The following ANKRD44 variants were observed in gnomAD, a reference collection of about 807,000 sequenced individuals.
ANKRD44 encodes the protein serine/threonine-protein phosphatase 6 regulatory ankyrin repeat subunit B.
A neutral mutation model predicts 116.0 loss-of-function variants in ANKRD44; 35 were observed. The observed-to-expected ratio is 0.30, with a 90% CI of 0.23 to 0.40. The LOEUF (loss-of-function observed/expected upper bound fraction) is 0.40. Among genes scored for constraint, ANKRD44 ranks in the 10% least tolerant of loss-of-function variants. ANKRD44 has a pLI of 1.00. For synonymous variants in ANKRD44, 435 were observed against 461.8 expected (o/e 0.94, Z 0.74); for missense variants, 1,014 against 1,242.6 (o/e 0.82, Z 2.77).
intron 17 of ANKRD44, among the ~76,000 whole-genome samples, chr2:197,021,890 A>G (rs1203720800): frequency 1.3e-5 from 2 of 152,242 alleles, no homozygotes; most frequent in Non-Finnish European, 2.9e-5. Context: ...TGGGATCTCA[A>G]CAGAATCCAT....
intron 18 of ANKRD44, 32 bp from the exon 19 acceptor site, chr2:197,009,063 C>T (rs377313008): frequency 9.6e-5 from 147 of 1,531,722 alleles, no homozygotes; most frequent in Non-Finnish European, 1.3e-4. Flanking sequence ...AGTCTTTTAA[C>T]AGAACAACAC....
chr2:197,084,142 G>C (rs1156492679), intron 13 of ANKRD44, among the ~76,000 whole-genome samples: 1 of 152,084 alleles, frequency 6.6e-6, no homozygotes, highest in Admixed American at 6.6e-5. Flanking sequence ...CCTCAGCCTA[G>C]AATTGAAGAC....
intron 1 of ANKRD44, among the ~76,000 whole-genome samples, chr2:197,300,199 G>A (rs1001696206): frequency 4.6e-5 from 7 of 152,186 alleles, no homozygotes; most frequent in African/African-American, 1.7e-4. Flanking sequence ...GAACTCAACT[G>A]AGAAAAATGT....
chr2:197,264,669 C>T (rs1307210517), intron 1 of ANKRD44, among the ~76,000 whole-genome samples: 1 of 152,182 alleles, frequency 6.6e-6, no homozygotes, highest in African/African-American at 2.4e-5. Context: ...CTAGTCTTGT[C>T]TTCCCCATCT....
At chr2:197,003,957 A>C (rs1486167803) in intron 21 of ANKRD44, among the ~76,000 whole-genome samples, 1 of 152,190 alleles carries the variant, frequency 6.6e-6, no homozygotes, top group East Asian at 1.9e-4. Flanking sequence ...AAACACAGTA[A>C]GAGGTCTTAA....
intron 1 of ANKRD44, among the ~76,000 whole-genome samples, chr2:197,292,510 A>T (rs1176742454): frequency 2.0e-5 from 3 of 152,222 alleles, no homozygotes; most frequent in Non-Finnish European, 4.4e-5. Context: ...CACATTTTAA[A>T]CAGTGATATA....
At chr2:197,109,828 C>T (rs1343391076) in intron 9 of ANKRD44, among the ~76,000 whole-genome samples, 3 of 151,952 alleles carry the variant, frequency 2.0e-5, no homozygotes, top group Non-Finnish European at 4.4e-5. Context: ...TGGCCATGAC[C>T]CCCTATTAGT....
Position 197,026,047 on chromosome 2 carries a change from C to CAACAAA in ANKRD44, c.1651-781_1651-780insTTTGTT, listed in dbSNP as rs1553489113. The stretch of plus-strand genomic sequence containing the variant: ...CAGAGAAGGGGGAGATAAAAAGAAA[C>CAACAAA]AAAAAAAAAAAAAACACCTTTCTGG... On this transcript the variant is annotated intron_variant, in intron 16 of 27. Coordinates refer to ENST00000282272, the MANE Select transcript of ANKRD44 (RefSeq NM_001195144.2). 1.3e-4 allele frequency among the ~76,000 whole-genome samples: 17 copies of CAACAAA among 130,352 alleles called. 1 individual carries two copies. Among genetic ancestry groups the CAACAAA allele is most frequent in the Non-Finnish European group, 2.2e-4 (14 of 62,496 alleles). 85.5% of individuals were successfully genotyped at this position (130,352 alleles called of 152,430 possible). A position where few individuals can be genotyped will look rare whatever the true frequency, so the allele number is the denominator to read the frequency against.
Position 196,990,893 on chromosome 2 carries a change from T to C in ANKRD44, c.2924-1244A>G, listed in dbSNP as rs1200630124. The C allele has an allele frequency of 4.1e-6, 5 of 1,232,398 alleles. No individual in the cohort carries two copies. In the African/African-American group the frequency reaches 7.8e-5, roughly 19 times the overall value. 76.3% of individuals were successfully genotyped at this position (1,232,398 alleles called of 1,614,324 possible). ...TGAGGGCCAGGCAGTCAGCCACGTC[T>C]TTGTTAGGAGCGCAAGCCAGGGCCG... On this transcript the variant is annotated intron_variant, in intron 27 of 27. Coordinates refer to ENST00000282272, the MANE Select transcript of ANKRD44 (RefSeq NM_001195144.2).
chr2:197,177,334 G>T (rs1168573422), intron 2 of ANKRD44, among the ~76,000 whole-genome samples: 1 of 152,066 alleles, frequency 6.6e-6, no homozygotes, highest in African/African-American at 2.4e-5. Flanking sequence ...AGAAAGAAAA[G>T]AATTCTACTA....
At chr2:197,301,336 T>C (rs2083902226) in intron 1 of ANKRD44, 2 of 152,098 alleles carry the variant, frequency 1.3e-5, no homozygotes, top group Admixed American at 1.3e-4. Context: ...CCTCGATTGC[T>C]TGAATACATG....
rs572295995 is a variant in ANKRD44 at position 197,007,392 on chromosome 2, A to T, written c.2130+414T>A. On this transcript the variant is annotated intron_variant, in intron 20 of 27. Coordinates refer to ENST00000282272, the MANE Select transcript of ANKRD44 (RefSeq NM_001195144.2). ...AAACAAATCTATATATAGAAAAAAG[A>T]TTGGAGATAATATACATCAAATAGT... Among the ~76,000 whole-genome samples the T allele has an allele frequency of 3.9e-5, 6 of 152,314 alleles. No homozygotes were observed. In the East Asian group the frequency reaches 1.2e-3, roughly 29 times the overall value.
chr2:197,293,200 G>A (rs919776707), intron 1 of ANKRD44, among the ~76,000 whole-genome samples: 8 of 152,170 alleles, frequency 5.3e-5, no homozygotes. Context: ...AAGAAGGGAA[G>A]GATGGTGAAG....
chr2:197,218,511 T>C (rs1244235427), intron 1 of ANKRD44, among the ~76,000 whole-genome samples: 2 of 152,098 alleles, frequency 1.3e-5, no homozygotes, highest in African/African-American at 2.4e-5. Flanking sequence ...CTTCTTTTAA[T>C]TGCTCCCAAA....
intron 2 of ANKRD44, among the ~76,000 whole-genome samples, chr2:197,162,904 T>C (rs187076062): frequency 1.9e-3 from 284 of 152,376 alleles, no homozygotes; most frequent in African/African-American, 6.5e-3. Flanking sequence ...CTTAAACTTT[T>C]TATCAAAGCC....
intron 1 of ANKRD44, among the ~76,000 whole-genome samples, chr2:197,257,127 G>A (rs2082470025): frequency 6.6e-6 from 1 of 152,184 alleles, no homozygotes; most frequent in South Asian, 2.1e-4. Context: ...AATTTCAGGT[G>A]CCTGAGCTTA....
intron 1 of ANKRD44, among the ~76,000 whole-genome samples, chr2:197,218,740 G>A (rs145082390): frequency 5.7e-4 from 69 of 121,942 alleles, no homozygotes; most frequent in African/African-American, 1.8e-3. Context: ...TGGTATGGGA[G>A]GGTAAAGTCC....
At chr2:197,057,253 A>G (rs2077220441) in intron 16 of ANKRD44, among the ~76,000 whole-genome samples, 1 of 152,172 alleles carries the variant, frequency 6.6e-6, no homozygotes, top group Non-Finnish European at 1.5e-5. Context: ...TGAAATGTTT[A>G]TCTGATCTTT....
At chr2:197,137,116 C>T (rs1319803502) in intron 3 of ANKRD44, among the ~76,000 whole-genome samples, 4 of 152,166 alleles carry the variant, frequency 2.6e-5, no homozygotes, top group Non-Finnish European at 4.4e-5. Flanking sequence ...ATGACACCCT[C>T]GCCATTCTCC....
Sources: allele counts gnomAD v4.1 joint callset (sites outside exome capture counted in the v4.1 genomes callset), GRCh38; gene constraint gnomAD v4.1.1; transcripts MANE v1.5; gene names NCBI Gene and HGNC (gene_info 2026-07-23, HGNC 2026-07-21).